The following POLR1D variants were observed in gnomAD, a reference collection of about 807,000 sequenced individuals.
The protein encoded by POLR1D is RNA polymerase I and III subunit D.
In POLR1D, 8 loss-of-function variants were observed where a neutral mutation model predicts 10.8. The observed-to-expected ratio is 0.74, with a 90% CI of 0.43 to 1.33. The LOEUF is 1.33. Ranked by LOEUF, POLR1D falls within the 40% of genes most tolerant of loss-of-function variation. The pLI, the probability that POLR1D is intolerant of heterozygous loss-of-function variation, is 0.01. For synonymous variants in POLR1D, 54 were observed against 57.2 expected, an observed-to-expected ratio of 0.94 and a Z score of 0.25; for missense variants, 152 against 161.7, an observed-to-expected ratio of 0.94 and a Z score of 0.32.
chr13:27,628,227 A>T (rs183897184), downstream of POLR1D, among the ~76,000 whole-genome samples: 1 of 152,214 alleles, frequency 6.6e-6, no homozygotes, highest in African/African-American at 2.4e-5. Flanking sequence ...CCTGGCTCTT[A>T]CGGTCTGCAC....
intron 1 of POLR1D, among the ~76,000 whole-genome samples, chr13:27,634,992 C>T (rs1004699013): frequency 3.3e-5 from 5 of 151,998 alleles, no homozygotes; most frequent in African/African-American, 4.8e-5. Flanking sequence ...TTTTAATGGG[C>T]GTGATGTTGT....
chr13:27,664,128 C>T (rs1462631461), intron 2 of POLR1D, among the ~76,000 whole-genome samples: 1 of 152,214 alleles, frequency 6.6e-6, no homozygotes, highest in East Asian at 1.9e-4. Flanking sequence ...TGCAGGAGAA[C>T]TCGGCTTGCC....
At chr13:27,620,845 C>G (rs971751974), upstream of POLR1D, 1 of 153,040 alleles carries the variant, frequency 6.5e-6, no homozygotes, top group Non-Finnish European at 1.5e-5. Flanking sequence ...TGCGCGCACC[C>G]CCGGCCGCCG....
At chr13:27,657,563 TCTC>T (rs550444251) in intron 2 of POLR1D, among the ~76,000 whole-genome samples, 218 of 152,056 alleles carry the variant, frequency 1.4e-3, no homozygotes, top group African/African-American at 4.9e-3. Flanking sequence ...AAAATACACA[TCTC>T]CTTCCCTGCC....
chr13:27,637,801 A>T (rs1016657333), intron 1 of POLR1D, among the ~76,000 whole-genome samples: 123 of 147,322 alleles, frequency 8.3e-4, no homozygotes, highest in Middle Eastern at 3.5e-3. Context: ...ATTAAAAAAA[A>T]TTTTTTTTTT....
chr13:27,648,743 T>C (rs1466850146), intron 2 of POLR1D, among the ~76,000 whole-genome samples: 2 of 152,248 alleles, frequency 1.3e-5, no homozygotes, highest in Non-Finnish European at 2.9e-5. Context: ...CAAAGTCACC[T>C]GTGCAAGAGT....
chr13:27,650,569 G>GCTAA (rs142848935), intron 2 of POLR1D: 5,183 of 152,650 alleles, frequency 0.034, 137 homozygotes, highest in Non-Finnish European at 0.054. Context: ...CTTTCTGGAA[G>GCTAA]CTAAGGCAAA....
intron 2 of POLR1D, chr13:27,651,386 T>C (rs1956266958): frequency 6.6e-6 from 1 of 152,228 alleles, no homozygotes; most frequent in South Asian, 2.1e-4. Flanking sequence ...AAACTAACTG[T>C]AAAAAGTTAT....
At chr13:27,635,676 G>T (rs1343281450) in intron 1 of POLR1D, among the ~76,000 whole-genome samples, 3 of 143,122 alleles carry the variant, frequency 2.1e-5, no homozygotes, top group Non-Finnish European at 3.0e-5. Flanking sequence ...TTTGTTCAGT[G>T]CTCTATAGTT....
chr13:27,661,334 T>G (rs1186642562), intron 2 of POLR1D, among the ~76,000 whole-genome samples: 2 of 152,248 alleles, frequency 1.3e-5, no homozygotes, highest in Non-Finnish European at 2.9e-5. Flanking sequence ...TCCATTTATG[T>G]TGTTAGCACC....
chr13:27,661,213 C>G (rs186096374), intron 2 of POLR1D, among the ~76,000 whole-genome samples: 18 of 152,154 alleles, frequency 1.2e-4, no homozygotes, highest in Middle Eastern at 6.8e-3. Context: ...AAGGAAATTG[C>G]TTTCCTTTTA....
intron 2 of POLR1D, among the ~76,000 whole-genome samples, chr13:27,653,469 C>T (rs904257968): frequency 6.6e-5 from 10 of 152,120 alleles, no homozygotes; most frequent in Non-Finnish European, 8.8e-5. Context: ...AGAGGTGGAT[C>T]CCGTGGGAGA....
downstream of POLR1D, among the ~76,000 whole-genome samples, chr13:27,628,440 A>C: frequency 6.6e-6 from 1 of 152,342 alleles, no homozygotes; most frequent in East Asian, 1.9e-4. Flanking sequence ...TAATGATGAC[A>C]AGGAGAAAAC....
chr13:27,639,459 A>G (rs933673398), intron 1 of POLR1D, among the ~76,000 whole-genome samples: 4 of 152,186 alleles, frequency 2.6e-5, no homozygotes, highest in African/African-American at 7.2e-5. Flanking sequence ...AGTTATTTTC[A>G]GTAAGAGGGG....
At chr13:27,642,561 A>G (rs958085629) in intron 1 of POLR1D, among the ~76,000 whole-genome samples, 11 of 152,184 alleles carry the variant, frequency 7.2e-5, no homozygotes, top group Non-Finnish European at 1.6e-4. Context: ...CTACAGATGC[A>G]GTATTTTTAT....
At chr13:27,635,309 A>C (rs886501595) in intron 1 of POLR1D, among the ~76,000 whole-genome samples, 3 of 152,196 alleles carry the variant, frequency 2.0e-5, no homozygotes, top group African/African-American at 4.8e-5. Context: ...CTAAAGCAGT[A>C]CTTGATCATC....
intron 1 of POLR1D, among the ~76,000 whole-genome samples, chr13:27,629,552 A>T (rs1956053043): frequency 1.3e-5 from 2 of 152,078 alleles, no homozygotes; most frequent in African/African-American, 4.8e-5. Context: ...TAGCCTGTGT[A>T]TTTTTTTGTT....
intron 2 of POLR1D, among the ~76,000 whole-genome samples, chr13:27,655,985 A>G (rs1230614336): frequency 7.0e-6 from 1 of 142,920 alleles, no homozygotes; most frequent in Non-Finnish European, 1.6e-5. Flanking sequence ...AGTGATGCTG[A>G]TACAGTTGAC....
chr13:27,630,927 T>G (rs928575861), intron 1 of POLR1D, among the ~76,000 whole-genome samples: 19 of 152,104 alleles, frequency 1.2e-4, no homozygotes, highest in African/African-American at 3.4e-4. Flanking sequence ...CACGCTGGCC[T>G]TCTCACTTTT....
Sources: allele counts gnomAD v4.1 joint callset (sites outside exome capture counted in the v4.1 genomes callset), GRCh38; gene constraint gnomAD v4.1.1; transcripts MANE v1.5; gene names NCBI Gene and HGNC (gene_info 2026-07-23, HGNC 2026-07-21).